The following DACH2 variants were observed in gnomAD, a reference collection of about 807,000 sequenced individuals.
DACH2 encodes dachshund homolog 2.
A neutral mutation model predicts 35.8 loss-of-function variants in DACH2; 17 were observed. That is an observed-to-expected ratio of 0.48 (90% confidence interval 0.33 to 0.71). The LOEUF (loss-of-function observed/expected upper bound fraction) is 0.71, where lower values mean the gene tolerates loss of function less well. Among genes scored for constraint, DACH2 ranks in the 30% least tolerant of loss-of-function variants. DACH2 has a pLI of 0.02. For missense variants in DACH2, 469 were observed against 472.7 expected (o/e 0.99, Z 0.07); for synonymous variants, 195 against 177.3 (o/e 1.10, Z -0.79).
At chrX:86,707,258 A>G (rs989230531) in intron 5 of DACH2, among the ~76,000 whole-genome samples, 2 of 111,725 alleles carry the variant, frequency 1.8e-5, no homozygotes. Flanking sequence ...TTTTTGAAAG[A>G]TACAATCTAC....
chrX:86,381,099 C>G (rs2036039838), intron 2 of DACH2, among the ~76,000 whole-genome samples: 1 of 109,449 alleles, frequency 9.1e-6, no homozygotes, highest in African/African-American at 3.3e-5. Flanking sequence ...AGGATATCAG[C>G]CTAGAAGTGC....
chrX:86,593,392 T>G (rs2039671638), intron 3 of DACH2, among the ~76,000 whole-genome samples: 1 of 100,889 alleles, frequency 9.9e-6, no homozygotes, highest in African/African-American at 3.8e-5. Flanking sequence ...CTTTCATATA[T>G]ATATTTTTTT....
chrX:86,468,162 A>T (rs1408252452), intron 2 of DACH2, among the ~76,000 whole-genome samples: 2 of 112,051 alleles, frequency 1.8e-5, no homozygotes, highest in African/African-American at 6.5e-5. Context: ...ATCTAGAAAT[A>T]TATAGTAAAT....
chrX:86,415,004 A>G (rs893090677), intron 2 of DACH2, among the ~76,000 whole-genome samples: 1 of 111,692 alleles, frequency 9.0e-6, no homozygotes, highest in South Asian at 3.8e-4. Context: ...GTATTCTTCA[A>G]TCCAATCAAG....
At chrX:86,573,094 C>T (rs2039392661) in intron 3 of DACH2, among the ~76,000 whole-genome samples, 1 of 109,516 alleles carries the variant, frequency 9.1e-6, no homozygotes, top group Admixed American at 9.9e-5. Context: ...ATGCTCAACA[C>T]TCACTAGAAT....
chrX:86,312,574 G>A (rs1357002438), intron 1 of DACH2, among the ~76,000 whole-genome samples: 1 of 109,893 alleles, frequency 9.1e-6, no homozygotes, highest in Non-Finnish European at 1.9e-5. Flanking sequence ...GTAGGCTGGG[G>A]AAGGCAGATC....
chrX:86,522,264 A>T (rs1352293307), intron 3 of DACH2, among the ~76,000 whole-genome samples: 1 of 111,421 alleles, frequency 9.0e-6, no homozygotes, highest in Non-Finnish European at 1.9e-5. Flanking sequence ...GTATGTGAAT[A>T]TGTGCACAAA....
At chrX:86,369,610 C>G (rs1464981053) in intron 1 of DACH2, among the ~76,000 whole-genome samples, 2 of 111,606 alleles carry the variant, frequency 1.8e-5, no homozygotes, top group Non-Finnish European at 3.8e-5. Flanking sequence ...GTTCTGCTTA[C>G]AGAACTGCTT....
At chrX:86,162,462 G>A (rs1262667613) in intron 1 of DACH2, among the ~76,000 whole-genome samples, 1 of 111,456 alleles carries the variant, frequency 9.0e-6, no homozygotes, top group Non-Finnish European at 1.9e-5. Context: ...AGGCAGTATA[G>A]AGTGTACTGA....
intron 3 of DACH2, among the ~76,000 whole-genome samples, chrX:86,566,713 G>A (rs899837555): frequency 1.0e-5 from 1 of 97,375 alleles, no homozygotes; most frequent in African/African-American, 3.4e-5. Flanking sequence ...GTACATGCAA[G>A]TGTACTTCAT....
intron 4 of DACH2, among the ~76,000 whole-genome samples, chrX:86,687,386 G>T (rs2040957910): frequency 9.0e-6 from 1 of 111,396 alleles, no homozygotes; most frequent in Non-Finnish European, 1.9e-5. Context: ...AAAAAGTAAG[G>T]AAACAACAGA....
At chrX:86,360,715 TA>T (rs1298176799) in intron 1 of DACH2, among the ~76,000 whole-genome samples, 1 of 110,842 alleles carries the variant, frequency 9.0e-6, no homozygotes, top group African/African-American at 3.3e-5. Context: ...TCTTTGATAG[TA>T]AAAAATTTTC....
rs1315531472 is a variant in DACH2 at position 86,441,236 on chromosome X, G to A, written c.527+64374G>A. Among the ~76,000 whole-genome samples the A allele has an allele frequency of 3.6e-5, 4 of 110,809 alleles. No individual in the cohort carries two copies. The East Asian group carries it at 1.1e-3, about 31-fold the overall frequency. On this transcript the variant is annotated intron_variant, in intron 2 of 11. Coordinates refer to ENST00000373125, the MANE Select transcript of DACH2 (RefSeq NM_053281.3). ...TCATTCTATCTAACTATATTGTTAT[G>A]TTCATTAAACATCTCCACTTTTCTC...
intron 1 of DACH2, among the ~76,000 whole-genome samples, chrX:86,234,810 G>A (rs776300559): frequency 1.7e-4 from 19 of 109,894 alleles, no homozygotes; most frequent in Non-Finnish European, 3.6e-4. Context: ...ATAGGGTTTC[G>A]CCAAGTTGCC....
chrX:86,506,348 T>A (rs1340709393), intron 2 of DACH2, among the ~76,000 whole-genome samples: 1 of 111,994 alleles, frequency 8.9e-6, no homozygotes, highest in East Asian at 2.8e-4. Flanking sequence ...CCCTCCATCT[T>A]CAAACTGGTA....
At chrX:86,332,336 A>G (rs2035228394) in intron 1 of DACH2, among the ~76,000 whole-genome samples, 1 of 111,629 alleles carries the variant, frequency 9.0e-6, no homozygotes, top group Non-Finnish European at 1.9e-5. Flanking sequence ...GTATCTAAGA[A>G]TCATAATTGT....
intron 3 of DACH2, among the ~76,000 whole-genome samples, chrX:86,543,530 A>G (rs1371371978): frequency 9.0e-6 from 1 of 110,881 alleles, no homozygotes; most frequent in African/African-American, 3.3e-5. Flanking sequence ...AGGAATGAAG[A>G]TCATTGAGAT....
chrX:86,723,985 AC>A (rs2041437405), intron 6 of DACH2, among the ~76,000 whole-genome samples: 1 of 108,378 alleles, frequency 9.2e-6, no homozygotes, highest in Non-Finnish European at 1.9e-5. Context: ...CTTTTTTTTC[AC>A]CCCTTTGATT....
At chrX:86,524,860 A>G (rs1010832244) in intron 3 of DACH2, among the ~76,000 whole-genome samples, 1 of 111,136 alleles carries the variant, frequency 9.0e-6, no homozygotes, top group African/African-American at 3.3e-5. Context: ...TGATGATGAT[A>G]GTAATGATGA....
Sources: gnomAD v4.1 joint callset for allele counts (sites outside exome capture counted in the v4.1 genomes callset) on GRCh38, gnomAD v4.1.1 for gene constraint, MANE v1.5 for transcripts, NCBI Gene and HGNC (gene_info 2026-07-23, HGNC 2026-07-21) for gene names.